Variants in ABL2 observed in about 807,000 individuals in gnomAD.
The protein encoded by ABL2 is ABL proto-oncogene 2, non-receptor tyrosine kinase, also known as tyrosine-protein kinase ABL2.
A neutral mutation model predicts 107.7 loss-of-function variants in ABL2; 49 were observed. The observed-to-expected ratio is 0.45, with a 90% confidence interval of 0.36 to 0.58. The LOEUF is 0.58. Among genes scored for constraint, ABL2 ranks in the 20% least tolerant of loss-of-function variants. The probability of loss-of-function intolerance (pLI) is 0.00; values close to 1 mark genes in which losing one functional copy is unlikely to be tolerated. For missense variants in ABL2, 1,245 were observed against 1,457.0 expected, an observed-to-expected ratio of 0.85 and a Z score of 2.37; for synonymous variants, 549 against 548.6, an observed-to-expected ratio of 1.00 and a Z score of -0.01.
At chr1:179,218,409 C>CTT (rs147150015) in intron 1 of ABL2, among the ~76,000 whole-genome samples, 79 of 151,896 alleles carry the variant, frequency 5.2e-4, no homozygotes, top group African/African-American at 1.9e-3. Context: ...CTTTTCTTTT[C>CTT]TTTTTTTGAG....
At chr1:179,184,169 G>A in intron 1 of ABL2, 1 of 426,724 alleles carries the variant, frequency 2.3e-6, no homozygotes, top group Non-Finnish European at 4.4e-6. Context: ...TTAGGGAGGA[G>A]GACAAAGACG....
intron 1 of ABL2, chr1:179,201,814 G>A: frequency 9.3e-7 from 1 of 1,080,038 alleles, no homozygotes; most frequent in Non-Finnish European, 1.3e-6. Flanking sequence ...GGCCATAAAG[G>A]TGTGGCTATT....
chr1:179,125,833 AT>A (rs1349570858), intron 4 of ABL2, among the ~76,000 whole-genome samples: 1 of 152,276 alleles, frequency 6.6e-6, no homozygotes, highest in Non-Finnish European at 1.5e-5. Flanking sequence ...ACCAACGGAC[AT>A]AAGCTCATGC....
chr1:179,144,318 G>A (rs190797677), intron 1 of ABL2, among the ~76,000 whole-genome samples: 117 of 152,046 alleles, frequency 7.7e-4, no homozygotes, highest in African/African-American at 2.7e-3. Flanking sequence ...AAATTAGCCC[G>A]GCATGGTGGC....
chr1:179,117,980 C>A (rs1414781201), intron 7 of ABL2, among the ~76,000 whole-genome samples: 1 of 149,384 alleles, frequency 6.7e-6, no homozygotes, highest in Non-Finnish European at 1.5e-5. Flanking sequence ...ACAAAACAAA[C>A]AAAAAAAAAC....
intron 1 of ABL2, among the ~76,000 whole-genome samples, chr1:179,178,992 T>C (rs951227366): frequency 2.6e-5 from 4 of 152,100 alleles, no homozygotes; most frequent in African/African-American, 9.7e-5. Context: ...ATCTGAGGAA[T>C]ACCCAGATTA....
chr1:179,213,839 G>C (rs899026769), intron 1 of ABL2, among the ~76,000 whole-genome samples: 1 of 152,140 alleles, frequency 6.6e-6, no homozygotes, highest in Non-Finnish European at 1.5e-5. Context: ...AGTACATTGG[G>C]ATGCTATAGG....
intron 9 of ABL2, among the ~76,000 whole-genome samples, chr1:179,114,070 C>T (rs1654372867): frequency 6.6e-6 from 1 of 151,804 alleles, no homozygotes; most frequent in African/African-American, 2.4e-5. Flanking sequence ...GCCTGGCCAA[C>T]ATGCCAAAAC....
chr1:179,208,138 T>C (rs1216682954), intron 1 of ABL2, among the ~76,000 whole-genome samples: 1 of 152,160 alleles, frequency 6.6e-6, no homozygotes, highest in East Asian at 1.9e-4. Context: ...TAAAGTGAAT[T>C]GTATATGTTA....
At chr1:179,219,881 T>G (rs1662778645) in intron 1 of ABL2, among the ~76,000 whole-genome samples, 1 of 152,254 alleles carries the variant, frequency 6.6e-6, no homozygotes, top group Admixed American at 6.5e-5. Flanking sequence ...CATTTTCACA[T>G]ACAACTCATA....
intron 1 of ABL2, among the ~76,000 whole-genome samples, chr1:179,198,184 A>T (rs1661432877): frequency 6.6e-6 from 1 of 151,754 alleles, no homozygotes. Context: ...AAAAAAAAAA[A>T]AAAAAAGTTT....
At chr1:179,222,756 T>A (rs1450850583) in intron 1 of ABL2, among the ~76,000 whole-genome samples, 1 of 151,794 alleles carries the variant, frequency 6.6e-6, no homozygotes, top group Non-Finnish European at 1.5e-5. Flanking sequence ...TCATGTCAGA[T>A]CCTTTAAAGA....
chr1:179,103,518 A>G lies in ABL2; in HGVS notation c.*4200T>C, dbSNP rs1384451882. The G allele has an allele frequency of 4.7e-6, 1 of 212,546 alleles. No homozygotes were observed. The highest frequency in any genetic ancestry group is 9.5e-6 in the Non-Finnish European group (1 of 105,100). The allele number at this position is 212,546 out of a possible 1,614,324, so 13.2% of individuals were successfully genotyped here. The stretch of plus-strand genomic sequence containing the variant: ...TGTAGGACTAACTAGGTTTTTTAAA[A>G]ACTCAAGTTGGTATTTCTTTACTAC... On this transcript the variant is annotated 3_prime_UTR_variant, in exon 12 of 12. Coordinates refer to ENST00000502732, the MANE Select transcript of ABL2 (RefSeq NM_007314.4).
intron 1 of ABL2, among the ~76,000 whole-genome samples, chr1:179,207,463 T>A (rs1246281048): frequency 6.6e-6 from 1 of 152,210 alleles, no homozygotes; most frequent in Non-Finnish European, 1.5e-5. Flanking sequence ...CATTTTTTAA[T>A]TTTTTAAAAT....
intron 1 of ABL2, among the ~76,000 whole-genome samples, chr1:179,207,163 T>C (rs1662020170): frequency 6.7e-6 from 1 of 148,802 alleles, no homozygotes; most frequent in African/African-American, 2.5e-5. Flanking sequence ...TCCATTCTTT[T>C]CTTTCTTTTT....
At chr1:179,228,421 T>C (rs970204446) in intron 1 of ABL2, among the ~76,000 whole-genome samples, 7 of 152,032 alleles carry the variant, frequency 4.6e-5, no homozygotes, top group African/African-American at 1.7e-4. Context: ...TAAAAATACA[T>C]TGACAATGAG....
Position 179,121,625 on chromosome 1 carries a change from G to A in ABL2, c.930C>T (p.Tyr310=), listed in dbSNP as rs754566455. 2 of 1,614,228 alleles carry A rather than the reference G, an allele frequency of 1.2e-6. No homozygotes were observed. The change falls in exon 5 of 12, where the codon TAC becomes TAT. Residue 310 remains tyrosine (Y), a synonymous_variant. Coordinates refer to ENST00000502732, the MANE Select transcript of ABL2 (RefSeq NM_007314.4). ...ATGTTTTCACAGCAACTGTAAGGCT[G>A]TATTTCTTCCAGACGCCAACGTAAA... ...GEVYVGVWKK[Y]SLTVAVKTLK...
chr1:179,154,305 T>C (rs984785102), intron 1 of ABL2, among the ~76,000 whole-genome samples: 3 of 152,250 alleles, frequency 2.0e-5, no homozygotes, highest in Admixed American at 1.3e-4. Context: ...CACTTAATTA[T>C]GTGTCGGTCT....
At chr1:179,202,080 A>G (rs1440549273) in intron 1 of ABL2, among the ~76,000 whole-genome samples, 2 of 124,974 alleles carry the variant, frequency 1.6e-5, no homozygotes, top group African/African-American at 6.0e-5. Context: ...AAAAAAAAAG[A>G]TTTAAAGATA....
Sources: allele counts gnomAD v4.1 joint callset (sites outside exome capture counted in the v4.1 genomes callset), GRCh38; gene constraint gnomAD v4.1.1; transcripts MANE v1.5; gene names NCBI Gene and HGNC (gene_info 2026-07-23, HGNC 2026-07-21).